Variants in SHANK2 observed in about 807,000 individuals in gnomAD.
The protein encoded by SHANK2 is SH3 and multiple ankyrin repeat domains 2, also known as SH3 and multiple ankyrin repeat domains protein 2.
Under a neutral mutation model 133.7 loss-of-function variants are expected in SHANK2, and 43 were observed. The ratio of observed to expected loss-of-function variants is 0.32; its 90% CI spans 0.25 to 0.41. The LOEUF (loss-of-function observed/expected upper bound fraction) is 0.41. Ranked by LOEUF, SHANK2 falls within the 10% of genes least tolerant of loss-of-function variation. SHANK2 has a pLI of 1.00. For synonymous variants in SHANK2, 1,017 were observed against 952.8 expected, an observed-to-expected ratio of 1.07 and a Z score of -1.24; for missense variants, 1,994 against 2,235.8, an observed-to-expected ratio of 0.89 and a Z score of 2.18.
intron 11 of SHANK2, among the ~76,000 whole-genome samples, chr11:70,860,415 C>T (rs1038134743): frequency 3.3e-5 from 5 of 152,050 alleles, no homozygotes; most frequent in Admixed American, 2.6e-4. Context: ...CAAGAAAGAA[C>T]GTTTTGAAGG....
chr11:70,876,588 T>TACACAC (rs3064230), intron 11 of SHANK2, among the ~76,000 whole-genome samples: 1 of 135,358 alleles, frequency 7.4e-6, no homozygotes, highest in Non-Finnish European at 1.6e-5. Flanking sequence ...AAAAAAATTA[T>TACACAC]ACACACACAC....
chr11:71,227,745 AC>A (rs1222361187), intron 1 of SHANK2, among the ~76,000 whole-genome samples: 1 of 152,180 alleles, frequency 6.6e-6, no homozygotes, highest in Non-Finnish European at 1.5e-5. Context: ...CCTCCACTGT[AC>A]TACAGCAGAA....
intron 2 of SHANK2, among the ~76,000 whole-genome samples, chr11:71,183,792 CAA>C (rs1319252887): frequency 1.3e-5 from 2 of 152,140 alleles, no homozygotes; most frequent in African/African-American, 4.8e-5. Flanking sequence ...GACAGGTGCC[CAA>C]GTCACAACCC....
chr11:70,701,695 C>T (rs1434774518), intron 14 of SHANK2, among the ~76,000 whole-genome samples: 2 of 152,174 alleles, frequency 1.3e-5, no homozygotes, highest in East Asian at 1.9e-4. Context: ...TGAGCCACTG[C>T]ACCCGGCCAG....
intron 17 of SHANK2, among the ~76,000 whole-genome samples, chr11:70,630,280 A>G (rs1277373828): frequency 6.6e-6 from 1 of 152,240 alleles, no homozygotes; most frequent in East Asian, 1.9e-4. Flanking sequence ...CCCAGGCCCC[A>G]GAAGGCTGGT....
At chr11:70,873,017 A>G (rs1555070492) in intron 11 of SHANK2, 1 of 471,374 alleles carries the variant, frequency 2.1e-6, no homozygotes, top group South Asian at 1.5e-5. Context: ...CCTGTGAGAA[A>G]GGAAGAGCGG....
At chr11:70,872,601 G>GC (rs1555070408) in intron 11 of SHANK2, among the ~76,000 whole-genome samples, 3 of 151,956 alleles carry the variant, frequency 2.0e-5, no homozygotes, top group African/African-American at 4.8e-5. Flanking sequence ...ATACAGAGGG[G>GC]CCCCCCACAG....
chr11:70,937,147 G>T (rs1555083560), intron 10 of SHANK2, among the ~76,000 whole-genome samples: 1 of 152,154 alleles, frequency 6.6e-6, no homozygotes. Context: ...GCTGTGCAGG[G>T]ACCTCTGGGT....
chr11:70,948,421 C>T (rs1950785944), intron 10 of SHANK2: 1 of 455,752 alleles, frequency 2.2e-6, no homozygotes, highest in Non-Finnish European at 4.4e-6. Flanking sequence ...TGAATTCGAT[C>T]CCTGATTACT....
At chr11:70,761,371 C>T (rs1946994004) in intron 14 of SHANK2, among the ~76,000 whole-genome samples, 1 of 152,136 alleles carries the variant, frequency 6.6e-6, no homozygotes, top group South Asian at 2.1e-4. Context: ...GACTTTCACT[C>T]TCCAGCACTG....
intron 9 of SHANK2, among the ~76,000 whole-genome samples, chr11:71,067,993 CA>C (rs1951089887): frequency 6.6e-6 from 1 of 151,628 alleles, no homozygotes; most frequent in Admixed American, 6.7e-5. Context: ...CCACCACCAT[CA>C]CCATCATCAC....
At chr11:70,581,354 G>GT (rs56252459) in intron 17 of SHANK2, among the ~76,000 whole-genome samples, 68,499 of 149,888 alleles carry the variant, frequency 0.46, 15,839 homozygotes, top group South Asian at 0.64. Flanking sequence ...TTTTGTTACT[G>GT]TTTTTTTTTT....
At chr11:70,831,068 T>C (rs782339434) in intron 11 of SHANK2, among the ~76,000 whole-genome samples, 1 of 152,098 alleles carries the variant, frequency 6.6e-6, no homozygotes, top group Admixed American at 6.6e-5. Context: ...GAGGGAGAGA[T>C]TGGAGGGGAA....
At chr11:70,909,206 G>C (rs1253834948) in intron 10 of SHANK2, among the ~76,000 whole-genome samples, 1 of 152,232 alleles carries the variant, frequency 6.6e-6, no homozygotes, top group Non-Finnish European at 1.5e-5. Context: ...AAAAGCAACA[G>C]TTCTTTGATG....
chr11:70,845,647 T>G (rs1418727749), intron 11 of SHANK2, among the ~76,000 whole-genome samples: 1 of 151,796 alleles, frequency 6.6e-6, no homozygotes, highest in Non-Finnish European at 1.5e-5. Flanking sequence ...GACACTGAGA[T>G]GCCAATAAAA....
chr11:70,802,705 G>C (rs1948072376), intron 13 of SHANK2, among the ~76,000 whole-genome samples: 1 of 152,218 alleles, frequency 6.6e-6, no homozygotes, highest in Non-Finnish European at 1.5e-5. Context: ...ACCTGGAGGA[G>C]CTTCAGAAAA....
chr11:71,142,897 G>A (rs1952583424), intron 3 of SHANK2, among the ~76,000 whole-genome samples: 1 of 151,868 alleles, frequency 6.6e-6, no homozygotes, highest in Non-Finnish European at 1.5e-5. Context: ...AGGGCAGGAA[G>A]ACAATCAAAC....
At chr11:71,118,660 CAG>C (rs1952027194) in intron 4 of SHANK2, among the ~76,000 whole-genome samples, 167 bp downstream of exon 4, 3 of 152,130 alleles carry the variant, frequency 2.0e-5, no homozygotes, top group Non-Finnish European at 4.4e-5. Context: ...GGTGGGGACA[CAG>C]AGCCAAATCA....
At chr11:70,661,932 G>T in intron 15 of SHANK2, 2 of 922,492 alleles carry the variant, frequency 2.2e-6, no homozygotes, top group Non-Finnish European at 3.4e-6. Flanking sequence ...CCAGCCGGAG[G>T]AAGGAGTCAT....
Sources: gnomAD v4.1 joint callset for allele counts (sites outside exome capture counted in the v4.1 genomes callset) on GRCh38, gnomAD v4.1.1 for gene constraint, MANE v1.5 for transcripts, NCBI Gene and HGNC (gene_info 2026-07-23, HGNC 2026-07-21) for gene names.